Variants in NEURL1 observed in about 807,000 individuals in gnomAD.
NEURL1 encodes the protein E3 ubiquitin-protein ligase NEURL1.
In NEURL1, 26 loss-of-function variants were observed where a neutral mutation model predicts 41.2. That is an observed-to-expected ratio of 0.63 (90% CI 0.46 to 0.87). The LOEUF is 0.87. NEURL1 is among the 40% of genes least tolerant of loss of function. The probability of loss-of-function intolerance (pLI) is 0.00; values close to 1 mark genes in which losing one functional copy is unlikely to be tolerated. For synonymous variants in NEURL1, 400 were observed against 402.3 expected (o/e 0.99, Z 0.07); for missense variants, 761 against 871.1 (o/e 0.87, Z 1.59).
intron 1 of NEURL1, among the ~76,000 whole-genome samples, chr10:103,544,679 G>C (rs1676304116): frequency 6.6e-6 from 1 of 152,184 alleles, no homozygotes; most frequent in African/African-American, 2.4e-5. Flanking sequence ...TGAGAACAAA[G>C]AGCTCTCTTC....
chr10:103,584,435 T>G (rs1339232645), intron 3 of NEURL1, 101 bp from the exon 4 acceptor site: 1 of 617,542 alleles, frequency 1.6e-6, no homozygotes, highest in Admixed American at 4.7e-5. Context: ...CCATTAGCCA[T>G]CCGGGATTGT....
At chr10:103,553,406 C>T (rs1452582607) in intron 1 of NEURL1, among the ~76,000 whole-genome samples, 2 of 152,064 alleles carry the variant, frequency 1.3e-5, no homozygotes, top group African/African-American at 4.8e-5. Context: ...GAAGTGTGTG[C>T]GTGTGTGTAC....
Position 103,512,510 on chromosome 10 carries a change from G to T in NEURL1, c.85+18038G>T, listed in dbSNP as rs41287506. Among the ~76,000 whole-genome samples, 986 of 152,314 alleles carry T rather than the reference G, an allele frequency of 6.5e-3. 4 individuals are homozygous for T. The highest frequency in any genetic ancestry group is 9.6e-3 in the Non-Finnish European group (650 of 68,026). ...AGTAGTTTAGTCATTTCTAAGATGG[G>T]AACTGGCTGGGTGAGGTGGTTCATG... On this transcript the variant is annotated intron_variant, in intron 1 of 5. Coordinates refer to ENST00000369780, the MANE Select transcript of NEURL1 (RefSeq NM_004210.5).
intron 2 of NEURL1, 97 bp downstream of exon 2, chr10:103,571,210 C>A: frequency 8.0e-7 from 1 of 1,250,738 alleles, no homozygotes; most frequent in Non-Finnish European, 1.1e-6. Flanking sequence ...CCGCTGCCTG[C>A]TGCCACCCCC....
chr10:103,536,480 G>T (rs1424582880), intron 1 of NEURL1, among the ~76,000 whole-genome samples: 1 of 152,150 alleles, frequency 6.6e-6, no homozygotes, highest in Non-Finnish European at 1.5e-5. Context: ...GGAGGCAGAG[G>T]TTGCAGTGAG....
intron 1 of NEURL1, among the ~76,000 whole-genome samples, chr10:103,565,826 G>GT (rs914306594): frequency 1.6e-4 from 25 of 151,866 alleles, no homozygotes; most frequent in South Asian, 4.2e-4. Context: ...AAGTTTTGTA[G>GT]TTTTTTTGTA....
intron 1 of NEURL1, among the ~76,000 whole-genome samples, chr10:103,527,999 C>T (rs2034495952): frequency 6.6e-6 from 1 of 152,166 alleles, no homozygotes; most frequent in African/African-American, 2.4e-5. Context: ...GTGGACCAAT[C>T]ATCTCAGGTC....
chr10:103,519,089 A>G (rs2034284006), intron 1 of NEURL1, among the ~76,000 whole-genome samples: 1 of 152,116 alleles, frequency 6.6e-6, no homozygotes, highest in Admixed American at 6.5e-5. Flanking sequence ...TACTAAAAAC[A>G]CAAAAAAATT....
At chr10:103,549,805 C>A (rs2034997071) in intron 1 of NEURL1, among the ~76,000 whole-genome samples, 1 of 152,142 alleles carries the variant, frequency 6.6e-6, no homozygotes, top group Non-Finnish European at 1.5e-5. Context: ...TCTTCTATAC[C>A]TCCTGATGCC....
chr10:103,553,872 AG>A (rs1226954767), intron 1 of NEURL1, among the ~76,000 whole-genome samples: 2 of 152,190 alleles, frequency 1.3e-5, no homozygotes, highest in African/African-American at 2.4e-5. Context: ...TGTCCAGGCC[AG>A]GGCCAGGGAG....
At chr10:103,563,285 C>CTAGAGA (rs2035345497) in intron 1 of NEURL1, among the ~76,000 whole-genome samples, 1 of 152,150 alleles carries the variant, frequency 6.6e-6, no homozygotes, top group Non-Finnish European at 1.5e-5. Context: ...TCACTACAGC[C>CTAGAGA]TAGAGAGGTG....
intron 1 of NEURL1, among the ~76,000 whole-genome samples, chr10:103,568,951 A>G (rs2035482535): frequency 6.6e-6 from 1 of 152,162 alleles, no homozygotes; most frequent in Non-Finnish European, 1.5e-5. Flanking sequence ...AGTAGCTGGG[A>G]CTACAGGTGC....
chr10:103,561,671 T>A (rs966229585), intron 1 of NEURL1, among the ~76,000 whole-genome samples: 2 of 152,342 alleles, frequency 1.3e-5, no homozygotes, highest in East Asian at 3.9e-4. Flanking sequence ...GCAGGGATTG[T>A]TGGGGCCATT....
Position 103,566,365 on chromosome 10 carries a change from A to C in NEURL1, c.86-4507A>C, listed in dbSNP as rs1248239480. Among the ~76,000 whole-genome samples, 1 of 152,150 alleles carries C rather than the reference A, an allele frequency of 6.6e-6. No homozygotes were observed. The highest frequency in any genetic ancestry group is 1.5e-5 in the Non-Finnish European group (1 of 68,042). On this transcript the variant is annotated intron_variant, in intron 1 of 5. Transcript: ENST00000369780. The surrounding 1 kb of genome is among the most constrained non-coding windows in gnomAD (Gnocchi z 4.2). The stretch of plus-strand genomic sequence containing the variant: ...ACTTCCTTCCTGCCTCTTTGTAGTC[A>C]AATCTCTCCCCTACTCTCCTTCTCT...
At chr10:103,536,821 G>A (rs532877337) in intron 1 of NEURL1, among the ~76,000 whole-genome samples, 29 of 152,280 alleles carry the variant, frequency 1.9e-4, no homozygotes, top group African/African-American at 5.5e-4. Flanking sequence ...GTACAGTTCA[G>A]TGGTATTAAG....
chr10:103,571,769 C>T lies in NEURL1; in HGVS notation c.596C>T (p.Pro199Leu), dbSNP rs546283557. 5.0e-6 allele frequency: 8 copies of T among 1,613,474 alleles called. No individual in the cohort carries two copies. The highest frequency in any genetic ancestry group is 2.2e-5 in the East Asian group (1 of 44,876). The change falls in exon 3 of 6, where the codon CCG becomes CTG. Residue 199 changes from proline (P) to leucine (L), a missense_variant. Physicochemically the swap from Pro to Leu is moderately conservative, Grantham distance 98. This residue lies in a region of NEURL1 where 114 missense variants were observed against 144.8 expected (regional missense o/e 0.79). Coordinates refer to ENST00000369780, the MANE Select transcript of NEURL1 (RefSeq NM_004210.5). ...LFFSGVRTAD[P>L]LWALVDVYGL... ...TTCAGCGGGGTCCGCACGGCCGACCCGCTCTGGGCCCTGGTGGACGTCTAC... is the reference window on the plus strand; with the variant it reads ...TTCAGCGGGGTCCGCACGGCCGACCTGCTCTGGGCCCTGGTGGACGTCTAC...
chr10:103,581,749 T>A (rs942190958), intron 3 of NEURL1, among the ~76,000 whole-genome samples: 2 of 152,212 alleles, frequency 1.3e-5, no homozygotes, highest in African/African-American at 4.8e-5. Context: ...TCTAGAGTAC[T>A]GAGTCTGGTT....
chr10:103,513,140 C>T (rs1393462369), intron 1 of NEURL1, among the ~76,000 whole-genome samples: 1 of 152,184 alleles, frequency 6.6e-6, no homozygotes, highest in Admixed American at 6.5e-5. Flanking sequence ...CTTGCTCGCT[C>T]CCCAGCAGCC....
intron 1 of NEURL1, among the ~76,000 whole-genome samples, chr10:103,535,281 G>A (rs539035761): frequency 1.3e-5 from 2 of 152,202 alleles, no homozygotes; most frequent in East Asian, 3.9e-4. Context: ...GACTCTAGAG[G>A]GCTAGCCCAG....
Sources: allele counts gnomAD v4.1 joint callset (sites outside exome capture counted in the v4.1 genomes callset), GRCh38; gene constraint gnomAD v4.1.1; regional missense constraint gnomAD v4.1.1; non-coding constraint Gnocchi (gnomAD v3.1); transcripts MANE v1.5; gene names NCBI Gene and HGNC (gene_info 2026-07-23, HGNC 2026-07-21).